Variants in CALD1 observed in about 807,000 individuals in gnomAD.
The protein encoded by CALD1 is caldesmon.
A neutral mutation model predicts 99.9 loss-of-function variants in CALD1; 33 were observed. The observed-to-expected ratio is 0.33, with a 90% CI of 0.25 to 0.44. The LOEUF is 0.44. Ranked by LOEUF, CALD1 falls within the 20% of genes least tolerant of loss-of-function variation. The pLI is 1.00. For synonymous variants in CALD1, 310 were observed against 325.0 expected, an observed-to-expected ratio of 0.95 and a Z score of 0.50; for missense variants, 861 against 962.1, an observed-to-expected ratio of 0.89 and a Z score of 1.39.
chr7:134,720,245 T>C, the CALD1 span, among the ~76,000 whole-genome samples: 1 of 151,742 alleles, frequency 6.6e-6, no homozygotes, highest in Admixed American at 6.6e-5. Context: ...AAAGTTTCTC[T>C]TCTTCAAGGA....
chr7:134,830,116 G>C (rs1799160962), intron 1 of CALD1, among the ~76,000 whole-genome samples: 1 of 151,226 alleles, frequency 6.6e-6, no homozygotes, highest in African/African-American at 2.4e-5. Context: ...GGAACTTTTT[G>C]TGAGTTATAG....
chr7:134,796,126 A>T (rs973380456), intron 1 of CALD1, among the ~76,000 whole-genome samples: 3 of 152,194 alleles, frequency 2.0e-5, no homozygotes, highest in African/African-American at 7.2e-5. Context: ...TTAAGTTTTT[A>T]AAGTCTTGGC....
rs781772230 is a variant in CALD1, at chr7:134,941,211, A to C, written c.1506A>C (p.Lys502Asn). ...AGAATGGAGAATTCATGACCCACAA[A>C]CTTAAACATACTGAGAATACTTTCA... The part of the protein sequence containing the change: ...KSQNGEFMTH[K>N]LKHTENTFSR... The change falls in exon 7 of 15, where the codon AAA (lysine) becomes AAC (asparagine). Residue 502 changes from lysine to asparagine, a missense_variant. Lys to Asn is a moderately conservative substitution (Grantham distance 94). Around this residue, in one of 5 missense-constraint regions of CALD1, gnomAD observed 293 missense variants for 262.7 expected, o/e 1.12. Transcript: ENST00000361675. The C allele has an allele frequency of 1.2e-6, 2 of 1,609,518 alleles. No homozygotes were observed. The highest frequency in any genetic ancestry group is 1.7e-6 in the Non-Finnish European group (2 of 1,178,764).
At chr7:134,938,817 G>GA (rs1052897470) in intron 6 of CALD1, among the ~76,000 whole-genome samples, 4 of 151,858 alleles carry the variant, frequency 2.6e-5, no homozygotes, top group African/African-American at 9.7e-5. Flanking sequence ...GGCAGAGCTT[G>GA]AAAAAAGGGG....
At chr7:134,767,333 G>T (rs1018718628) in intron 1 of CALD1, among the ~76,000 whole-genome samples, 3 of 151,876 alleles carry the variant, frequency 2.0e-5, no homozygotes, top group African/African-American at 7.3e-5. Flanking sequence ...CCCAGTTATC[G>T]CCAGACGCAG....
At chr7:134,960,802 C>T in intron 13 of CALD1, 174 bp downstream of exon 13, 2 of 546,038 alleles carry the variant, frequency 3.7e-6, no homozygotes, top group South Asian at 4.7e-5. Flanking sequence ...GAAGCTGCAT[C>T]TCAGTTACTC....
At chr7:134,943,009 G>T (rs530800553) in intron 7 of CALD1, among the ~76,000 whole-genome samples, 76 of 150,578 alleles carry the variant, frequency 5.0e-4, no homozygotes, top group Non-Finnish European at 9.2e-4. Flanking sequence ...TTTTGGGCAG[G>T]AAAAAAAAAT....
chr7:134,960,182 A>G, intron 12 of CALD1, 71 bp downstream of exon 12: 1 of 1,517,860 alleles, frequency 6.6e-7, no homozygotes, highest in Non-Finnish European at 9.1e-7. Context: ...TGATTTAGGA[A>G]TCACACTAGT....
Position 134,960,051 on chromosome 7 carries a change from G to A in CALD1, c.2139G>A (p.Lys713=), listed in dbSNP as rs1808138575. ...CTGCTGAAGGTGTACGCAACATCAAGAGTATGTGGGAGAAAGGGAATGTGT... is the reference window on the plus strand; with the variant it reads ...CTGCTGAAGGTGTACGCAACATCAAAAGTATGTGGGAGAAAGGGAATGTGT... ...PVPAEGVRNI[K]SMWEKGNVFS... The change falls in exon 12 of 15, where the codon AAG becomes AAA. Residue 713 remains lysine (K), a synonymous_variant. Coordinates refer to ENST00000361675, the MANE Select transcript of CALD1 (RefSeq NM_033138.4). 6.2e-7 allele frequency: 1 copy of A among 1,614,046 alleles called. No individual in the cohort carries two copies. The highest frequency in any genetic ancestry group is 1.3e-5 in the African/African-American group (1 of 74,920).
chr7:134,714,916 G>A, the CALD1 span, among the ~76,000 whole-genome samples: 1 of 152,210 alleles, frequency 6.6e-6, no homozygotes, highest in Middle Eastern at 3.4e-3. Context: ...TGCTGGTTCT[G>A]GGCAGTTTCC....
intron 1 of CALD1, among the ~76,000 whole-genome samples, chr7:134,756,767 T>A (rs1796733623): frequency 6.6e-6 from 1 of 152,226 alleles, no homozygotes; most frequent in African/African-American, 2.4e-5. Context: ...ATTAATAAAA[T>A]TAATTCATAT....
chr7:134,815,593 C>T (rs1798528424), intron 1 of CALD1, among the ~76,000 whole-genome samples: 1 of 152,004 alleles, frequency 6.6e-6, no homozygotes, highest in African/African-American at 2.4e-5. Context: ...GAGGGGTGAC[C>T]CTCTAAACCA....
At chr7:134,926,724 T>C (rs968697469) in intron 3 of CALD1, among the ~76,000 whole-genome samples, 1 of 152,230 alleles carries the variant, frequency 6.6e-6, no homozygotes, top group African/African-American at 2.4e-5. Flanking sequence ...TAATATATGG[T>C]ATAAGTAGTA....
rs190749415 is a variant in CALD1, at chr7:134,909,897, T to C, written c.72-18857T>C. Among the ~76,000 whole-genome samples, 31 of 151,672 alleles carry C rather than the reference T, an allele frequency of 2.0e-4. 1 individual carries two copies. In the East Asian group the frequency reaches 5.8e-3, roughly 28 times the overall value. ...AAAATAAATTTAAAAACAGAGAATC[T>C]CAAAAAGGGAGATGTGGTCAACAGT... On this transcript the variant is annotated intron_variant, in intron 3 of 14. Coordinates refer to ENST00000361675, the MANE Select transcript of CALD1 (RefSeq NM_033138.4).
the CALD1 span, among the ~76,000 whole-genome samples, chr7:134,719,601 G>A: frequency 7.9e-5 from 12 of 152,330 alleles, no homozygotes; most frequent in Middle Eastern, 3.4e-3. Flanking sequence ...AGTTTGCGAG[G>A]GGGGATAGGA....
chr7:134,902,859 T>C (rs111274740), intron 3 of CALD1, among the ~76,000 whole-genome samples: 28 of 152,284 alleles, frequency 1.8e-4, no homozygotes, highest in African/African-American at 5.1e-4. Context: ...CTTAACAAAG[T>C]ATCATGTACT....
intron 3 of CALD1, among the ~76,000 whole-genome samples, chr7:134,885,947 G>A (rs771384535): frequency 2.5e-4 from 38 of 151,928 alleles, no homozygotes; most frequent in African/African-American, 7.5e-4. Context: ...TCCAAGCACC[G>A]TTTATTGTTT....
chr7:134,800,609 T>G (rs1384806950), intron 1 of CALD1, among the ~76,000 whole-genome samples: 1 of 152,060 alleles, frequency 6.6e-6, no homozygotes, highest in African/African-American at 2.4e-5. Context: ...TGTCTAATTA[T>G]CTTAAAGTGG....
chr7:134,856,059 C>T (rs1458641302), intron 2 of CALD1, among the ~76,000 whole-genome samples: 1 of 152,228 alleles, frequency 6.6e-6, no homozygotes, highest in Admixed American at 6.5e-5. Flanking sequence ...CTAACATCAG[C>T]TGCTGGAACA....
Sources: allele counts gnomAD v4.1 joint callset (sites outside exome capture counted in the v4.1 genomes callset), GRCh38; gene constraint gnomAD v4.1.1; regional missense constraint gnomAD v4.1.1; transcripts MANE v1.5; gene names NCBI Gene and HGNC (gene_info 2026-07-23, HGNC 2026-07-21).